The following INVS variants were observed in gnomAD, a reference collection of about 807,000 sequenced individuals.
INVS encodes the protein inversion of embryo turning homolog.
A neutral mutation model predicts 108.8 loss-of-function variants in INVS; 86 were observed. That is an observed-to-expected ratio of 0.79 (90% CI 0.66 to 0.95). The LOEUF is 0.95. Among genes scored for constraint, INVS ranks in the 40% least tolerant of loss-of-function variants. The pLI is 0.00. For missense variants in INVS, 1,169 were observed against 1,297.4 expected (o/e 0.90, Z 1.52); for synonymous variants, 455 against 473.5 (o/e 0.96, Z 0.51).
chr9:100,296,342 C>A (rs964464221), intron 14 of INVS, among the ~76,000 whole-genome samples: 6 of 152,134 alleles, frequency 3.9e-5, no homozygotes, highest in Non-Finnish European at 7.3e-5. Flanking sequence ...CACTCTAAAC[C>A]CACCTCCAAC....
chr9:100,171,153 T>C (rs1397510869), intron 3 of INVS, among the ~76,000 whole-genome samples: 2 of 152,168 alleles, frequency 1.3e-5, no homozygotes, highest in Non-Finnish European at 2.9e-5. Context: ...TAATGACATT[T>C]TGTTTAACTT....
intron 12 of INVS, among the ~76,000 whole-genome samples, chr9:100,280,870 T>G (rs967576596): frequency 1.3e-5 from 2 of 152,132 alleles, no homozygotes; most frequent in Non-Finnish European, 2.9e-5. Flanking sequence ...GGAGGATCAC[T>G]TGAGGCCAGG....
rs530483627 is a variant in INVS, at chr9:100,215,777, C to T, written c.274-10285C>T. ...GAAAAATGTCTATGGTGGAAAGGCA[C>T]GAGGTGAGCCCAAGAGGAGGTGACA... On this transcript the variant is annotated intron_variant, in intron 3 of 16. Transcript: ENST00000262457. 1.7e-4 allele frequency among the ~76,000 whole-genome samples: 26 copies of T among 152,204 alleles called. No homozygotes were observed. The East Asian group carries it at 1.9e-3, about 11-fold the overall frequency.
At chr9:100,235,496 CTGGTACCAGTTT>C (rs1831658356) in intron 5 of INVS, among the ~76,000 whole-genome samples, 3 of 152,120 alleles carry the variant, frequency 2.0e-5, no homozygotes, top group Admixed American at 2.0e-4. Context: ...TTTGCAGTGG[CTGGTACCAGTTT>C]TTCCTTCCCA....
intron 6 of INVS, 142 bp from the exon 7 acceptor site, chr9:100,242,428 G>T (rs1831906797): frequency 1.6e-6 from 1 of 611,972 alleles, no homozygotes; most frequent in Non-Finnish European, 3.0e-6. Context: ...GTTAGAAGAG[G>T]CTGCATTGGG....
At chr9:100,231,457 A>G (rs2491095) in intron 5 of INVS, among the ~76,000 whole-genome samples, 47,898 of 151,302 alleles carry the variant, frequency 0.32, 8,753 homozygotes, top group Non-Finnish European at 0.43. Context: ...TGCTGCACCC[A>G]TCAACCTGTC....
rs560814416 is a variant in INVS at position 100,301,472 on chromosome 9, C to T, written c.*798C>T. On this transcript the variant is annotated 3_prime_UTR_variant, in exon 17 of 17. Transcript: ENST00000262457. ...AGCAAGGTGCTAACTCAGGCGTCAACGTTCTACTTGTATTTTCTGACCAAC... is the reference window on the plus strand; with the variant it reads ...AGCAAGGTGCTAACTCAGGCGTCAATGTTCTACTTGTATTTTCTGACCAAC... Among the ~76,000 whole-genome samples, 1 of 152,162 alleles carries T rather than the reference C, an allele frequency of 6.6e-6. No individual in the cohort carries two copies. The highest frequency in any genetic ancestry group is 1.5e-5 in the Non-Finnish European group (1 of 68,036).
intron 11 of INVS, among the ~76,000 whole-genome samples, chr9:100,268,676 C>T (rs1832863682): frequency 6.6e-6 from 1 of 152,050 alleles, no homozygotes; most frequent in African/African-American, 2.4e-5. Context: ...TTATGTTATT[C>T]TCTCTACCTT....
chr9:100,201,852 A>G (rs1170216601), intron 3 of INVS, among the ~76,000 whole-genome samples: 1 of 152,224 alleles, frequency 6.6e-6, no homozygotes, highest in Non-Finnish European at 1.5e-5. Context: ...GACTAGAGAC[A>G]TGCACTATGG....
At chr9:100,255,478 C>T (rs1832387637) in intron 10 of INVS, among the ~76,000 whole-genome samples, 1 of 152,300 alleles carries the variant, frequency 6.6e-6, no homozygotes, top group East Asian at 1.9e-4. Flanking sequence ...GAGAGGGCAT[C>T]CCTGTCTTGT....
intron 12 of INVS, among the ~76,000 whole-genome samples, chr9:100,280,854 G>A (rs1269202776): frequency 6.6e-6 from 1 of 152,178 alleles, no homozygotes; most frequent in Non-Finnish European, 1.5e-5. Flanking sequence ...TTGAGAGGCT[G>A]AGGTGGGAGG....
chr9:100,201,765 G>T (rs143894751), intron 3 of INVS, among the ~76,000 whole-genome samples: 42 of 152,346 alleles, frequency 2.8e-4, no homozygotes, highest in African/African-American at 1.0e-3. Context: ...GGCATTACCT[G>T]TTTATAATTA....
In INVS at chr9:100,302,109, CAA is replaced by C. The variant is rs146292456; in HGVS notation, c.*1437_*1438del. The stretch of plus-strand genomic sequence containing the variant: ...TTCTTTAAAAGTTCAGCTTTAATGA[CAA>C]AGATCTATTACATCAGTCTTTTTCT... On this transcript the variant is annotated 3_prime_UTR_variant, in exon 17 of 17. Coordinates refer to ENST00000262457, the MANE Select transcript of INVS (RefSeq NM_014425.5). The C allele has an allele frequency of 1.2e-6, 1 of 814,214 alleles. No individual in the cohort carries two copies. The highest frequency in any genetic ancestry group is 1.9e-6 in the Non-Finnish European group (1 of 534,458). The allele number at this position is 814,214 out of a possible 1,614,324, so 50.4% of individuals were successfully genotyped here. A position where few individuals can be genotyped will look rare whatever the true frequency, so the allele number is the denominator to read the frequency against.
chr9:100,279,029 G>A (rs544363229), intron 12 of INVS, among the ~76,000 whole-genome samples: 2 of 152,164 alleles, frequency 1.3e-5, no homozygotes, highest in South Asian at 4.1e-4. Context: ...CAGATTTAGA[G>A]AATATTGGGA....
At chr9:100,164,229 A>G (rs1429281522) in intron 3 of INVS, among the ~76,000 whole-genome samples, 1 of 152,212 alleles carries the variant, frequency 6.6e-6, no homozygotes, top group Non-Finnish European at 1.5e-5. Context: ...TTAATTATAT[A>G]TAACTACCTC....
intron 15 of INVS, 39 bp downstream of exon 15, chr9:100,297,185 C>A (rs757247152): frequency 6.9e-6 from 10 of 1,445,034 alleles, no homozygotes; most frequent in Non-Finnish European, 9.7e-6. Flanking sequence ...TCACAAGTAC[C>A]CCCAGAGTAC....
At chr9:100,139,817 T>C (rs1828363907) in intron 3 of INVS, among the ~76,000 whole-genome samples, 1 of 152,140 alleles carries the variant, frequency 6.6e-6, no homozygotes, top group African/African-American at 2.4e-5. Context: ...AATTTTTGTA[T>C]TTTTTATAGA....
chr9:100,141,378 C>T (rs1828424314), intron 3 of INVS, among the ~76,000 whole-genome samples: 1 of 152,094 alleles, frequency 6.6e-6, no homozygotes, highest in Non-Finnish European at 1.5e-5. Context: ...GTCCATTCTA[C>T]CTTTCCTGAA....
intron 2 of INVS, among the ~76,000 whole-genome samples, chr9:100,114,585 T>A (rs1197088108): frequency 1.3e-5 from 2 of 151,822 alleles, no homozygotes; most frequent in African/African-American, 4.8e-5. Context: ...GTGTGTGTTT[T>A]GTAGAGATGG....
Sources: gnomAD v4.1 joint callset for allele counts (sites outside exome capture counted in the v4.1 genomes callset) on GRCh38, gnomAD v4.1.1 for gene constraint, MANE v1.5 for transcripts, NCBI Gene and HGNC (gene_info 2026-07-23, HGNC 2026-07-21) for gene names.